AKAP6: variants seen among roughly 807,000 people sequenced by gnomAD.
AKAP6 encodes the protein A-kinase anchoring protein 6.
In AKAP6, 58 loss-of-function variants were observed where a neutral mutation model predicts 188.5. The ratio of observed to expected loss-of-function variants is 0.31; its 90% CI spans 0.25 to 0.38. The LOEUF is 0.38. Among genes scored for constraint, AKAP6 ranks in the 10% least tolerant of loss-of-function variants. The pLI is 1.00. For missense variants in AKAP6, 2,710 were observed against 2,740.0 expected (o/e 0.99, Z 0.24); for synonymous variants, 989 against 998.6 (o/e 0.99, Z 0.18).
rs1884766097 is a variant in AKAP6 at position 32,577,204 on chromosome 14, G to C, written c.2431G>C (p.Glu811Gln). 1.2e-6 allele frequency: 2 copies of C among 1,612,572 alleles called. No homozygotes were observed. The highest frequency in any genetic ancestry group is 1.7e-6 in the Non-Finnish European group (2 of 1,179,168). Residue 811 changes from glutamate to glutamine, a missense_variant, in exon 5 of 14, where the codon GAG becomes CAG. Glu to Gln is a conservative substitution (Grantham distance 29, BLOSUM62 2). Transcript: ENST00000280979. ...TTENWTPPKA[E>Q]MDDLKLYLET... The stretch of plus-strand genomic sequence containing the variant: ...AGAAAATTGGACTCCCCCTAAAGCA[G>C]AGATGGATGACCTTAAACTGTATCT...
chr14:32,416,187 C>T (rs1957004), intron 1 of AKAP6, among the ~76,000 whole-genome samples: 96,458 of 152,060 alleles, frequency 0.63, 32,869 homozygotes, highest in Non-Finnish European at 0.76. Context: ...TCCAATTTCT[C>T]CACATTCTTA....
intron 1 of AKAP6, among the ~76,000 whole-genome samples, chr14:32,338,993 CTG>C (rs1431632888): frequency 2.0e-5 from 3 of 152,130 alleles, no homozygotes; most frequent in African/African-American, 4.8e-5. Context: ...AATATTTATA[CTG>C]TGTCAAGCAT....
At chr14:32,588,884 A>G (rs1038409843) in intron 5 of AKAP6, among the ~76,000 whole-genome samples, 1 of 152,228 alleles carries the variant, frequency 6.6e-6, no homozygotes, top group Non-Finnish European at 1.5e-5. Context: ...CGTTTGTCTC[A>G]TAAGAAAAAC....
At chr14:32,775,200 G>A (rs2033019221) in intron 12 of AKAP6, among the ~76,000 whole-genome samples, 1 of 152,080 alleles carries the variant, frequency 6.6e-6, no homozygotes, top group Admixed American at 6.6e-5. Flanking sequence ...AGAGTGTTTG[G>A]AAGGGCAGAT....
chr14:32,464,616 A>T (rs1006286597), intron 2 of AKAP6, among the ~76,000 whole-genome samples: 8 of 152,240 alleles, frequency 5.3e-5, no homozygotes, highest in African/African-American at 1.7e-4. Flanking sequence ...AGAGCTATTT[A>T]TGACAAACCC....
intron 2 of AKAP6, among the ~76,000 whole-genome samples, chr14:32,445,288 C>G (rs1007064932): frequency 6.6e-6 from 1 of 152,092 alleles, no homozygotes. Context: ...AATTGCTGTA[C>G]GTACTCTGAA....
chr14:32,537,923 A>G (rs1882759252), intron 3 of AKAP6, among the ~76,000 whole-genome samples: 1 of 152,228 alleles, frequency 6.6e-6, no homozygotes, highest in Admixed American at 6.5e-5. Flanking sequence ...AGTAGCATCT[A>G]TTCTCACAAC....
chr14:32,769,194 C>T (rs2032819343), intron 11 of AKAP6, among the ~76,000 whole-genome samples: 1 of 151,170 alleles, frequency 6.6e-6, no homozygotes, highest in Non-Finnish European at 1.5e-5. Flanking sequence ...ATTACAGGCA[C>T]CCACCACCAC....
intron 8 of AKAP6, among the ~76,000 whole-genome samples, chr14:32,685,100 C>CA (rs1348323249): frequency 4.2e-5 from 1 of 23,700 alleles, no homozygotes; most frequent in Non-Finnish European, 6.1e-5. Flanking sequence ...ACCAAACCTA[C>CA]AAAAAATTTT....
intron 1 of AKAP6, among the ~76,000 whole-genome samples, chr14:32,368,862 G>C (rs115668706): frequency 0.03 from 4,491 of 149,772 alleles, 196 homozygotes; most frequent in African/African-American, 0.098. Flanking sequence ...TTATAGTTTA[G>C]TGGATATTAA....
Position 32,822,128 on chromosome 14 carries a change from A to T in AKAP6, c.4315A>T (p.Lys1439Ter). The T allele has an allele frequency of 6.2e-7, 1 of 1,613,922 alleles. No individual in the cohort carries two copies. Among genetic ancestry groups the T allele is most frequent in the Non-Finnish European group, 8.5e-7 (1 of 1,179,932 alleles). ...TTCACCAGTGGGTTGTGTAAATGGA[A>T]AAGTTGGAGATTTAAACAGTATTAC... ...SISPVGCVNGKVGDLNSITKH... is the reference protein window; with the variant it reads ...SISPVGCVNG Residue 1439 changes from lysine to a stop codon, truncating the protein, a stop_gained, in exon 13 of 14, where the codon AAA becomes TAA. Transcript: ENST00000280979. LOFTEE classifies it high-confidence loss of function.
intron 1 of AKAP6, among the ~76,000 whole-genome samples, chr14:32,390,212 T>C (rs1293478259): frequency 6.6e-6 from 1 of 152,124 alleles, no homozygotes; most frequent in African/African-American, 2.4e-5. Context: ...TTGTTTCTTA[T>C]TTATGGTATC....
chr14:32,669,619 A>G (rs1250691125), intron 7 of AKAP6, among the ~76,000 whole-genome samples: 2 of 152,186 alleles, frequency 1.3e-5, no homozygotes, highest in African/African-American at 4.8e-5. Context: ...TTCCAAGTGT[A>G]TTCATCCATT....
At chr14:32,530,847 G>T (rs141814428) in intron 2 of AKAP6, among the ~76,000 whole-genome samples, 2 of 151,934 alleles carry the variant, frequency 1.3e-5, no homozygotes, top group Non-Finnish European at 2.9e-5. Context: ...AAAAGGAAAA[G>T]GTACCCCTCT....
intron 7 of AKAP6, among the ~76,000 whole-genome samples, chr14:32,618,785 G>C (rs573571310): frequency 6.6e-6 from 1 of 152,130 alleles, no homozygotes; most frequent in East Asian, 1.9e-4. Context: ...GTTTTCCACA[G>C]GGATTGTACT....
intron 4 of AKAP6, among the ~76,000 whole-genome samples, chr14:32,554,734 G>A (rs1270365355): frequency 1.3e-5 from 2 of 152,158 alleles, no homozygotes; most frequent in East Asian, 3.9e-4. Flanking sequence ...AATTATTGAT[G>A]CTGGGTTAAC....
intron 2 of AKAP6, among the ~76,000 whole-genome samples, chr14:32,530,269 C>G (rs757889295): frequency 5.3e-5 from 8 of 152,128 alleles, no homozygotes; most frequent in Non-Finnish European, 1.0e-4. Flanking sequence ...CCAAGCAATT[C>G]TCCTGCCTCA....
chr14:32,712,585 C>T (rs1290197), intron 9 of AKAP6, among the ~76,000 whole-genome samples: 70,072 of 151,886 alleles, frequency 0.46, 16,574 homozygotes, highest in African/African-American at 0.57. Context: ...AAATCCTTTG[C>T]TGTCATTTCA....
intron 7 of AKAP6, among the ~76,000 whole-genome samples, chr14:32,633,721 A>G (rs1320369472): frequency 2.0e-5 from 3 of 152,092 alleles, no homozygotes; most frequent in Non-Finnish European, 2.9e-5. Flanking sequence ...CAGGCATGTA[A>G]TGTAAGTGAG....
Sources: gnomAD v4.1 joint callset for allele counts (sites outside exome capture counted in the v4.1 genomes callset) on GRCh38, gnomAD v4.1.1 for gene constraint, MANE v1.5 for transcripts, NCBI Gene and HGNC (gene_info 2026-07-23, HGNC 2026-07-21) for gene names.